The following KDM4B variants were observed in gnomAD, a reference collection of about 807,000 sequenced individuals.
The protein encoded by KDM4B is lysine-specific demethylase 4B.
Under a neutral mutation model 125.2 loss-of-function variants are expected in KDM4B, and 32 were observed. The observed-to-expected ratio is 0.26, with a 90% confidence interval of 0.19 to 0.34. The LOEUF is 0.34. Among genes scored for constraint, KDM4B ranks in the 10% least tolerant of loss-of-function variants. The pLI, the probability that KDM4B is intolerant of heterozygous loss-of-function variation, is 1.00. For synonymous variants in KDM4B, 721 were observed against 677.9 expected (o/e 1.06, Z -0.99); for missense variants, 1,190 against 1,577.7 (o/e 0.75, Z 4.16).
chr19:5,014,803 G>A (rs768139726), intron 1 of KDM4B, among the ~76,000 whole-genome samples: 88 of 151,930 alleles, frequency 5.8e-4, no homozygotes, highest in Non-Finnish European at 1.0e-3. Flanking sequence ...AGACCAGCTT[G>A]GCCAGCATGG....
At chr19:5,042,263 G>A (rs549170740) in intron 5 of KDM4B, among the ~76,000 whole-genome samples, 7 of 152,226 alleles carry the variant, frequency 4.6e-5, no homozygotes, top group Non-Finnish European at 8.8e-5. Flanking sequence ...CACTTTGGGA[G>A]ACTGAGGTGG....
intron 11 of KDM4B, among the ~76,000 whole-genome samples, chr19:5,129,458 C>T (rs1435101245): frequency 6.6e-6 from 1 of 152,210 alleles, no homozygotes; most frequent in Non-Finnish European, 1.5e-5. Context: ...GGTTTTATAG[C>T]AAGTGGTGAG....
intron 6 of KDM4B, among the ~76,000 whole-genome samples, chr19:5,070,106 G>T (rs2037899269): frequency 6.6e-6 from 1 of 152,120 alleles, no homozygotes; most frequent in Non-Finnish European, 1.5e-5. Context: ...CTAGAGTTGG[G>T]GTCGAGGATG....
chr19:5,077,193 C>A (rs1033166895), intron 7 of KDM4B, 174 bp from the exon 8 acceptor site: 1 of 641,854 alleles, frequency 1.6e-6, no homozygotes. Flanking sequence ...CTCCTTCCCC[C>A]CGACCTGCAG....
rs541789087 is a variant in KDM4B at position 5,057,071 on chromosome 19, C to T, written c.626+9402C>T. ...GTGTGTGTGTGTGTGTGTGTGCGCG[C>T]GCGCGCGTATGTTAGCAAATGACTC... On this transcript the variant is annotated intron_variant, in intron 6 of 22. Transcript: ENST00000159111. Among the ~76,000 whole-genome samples the T allele has an allele frequency of 9.6e-4, 131 of 136,676 alleles. 2 individuals carry two copies. Among genetic ancestry groups the T allele is most frequent in the Non-Finnish European group, 2.8e-4 (18 of 65,396 alleles). The allele number at this position is 136,676 out of a possible 152,430, so 89.7% of individuals were successfully genotyped here.
intron 1 of KDM4B, among the ~76,000 whole-genome samples, chr19:4,982,294 A>G (rs1331700953): frequency 2.8e-5 from 4 of 142,920 alleles, no homozygotes; most frequent in African/African-American, 5.4e-5. Flanking sequence ...TCTGTCTCCA[A>G]AAAAAAAAAA....
intron 1 of KDM4B, among the ~76,000 whole-genome samples, chr19:5,010,092 A>G (rs2035681804): frequency 6.6e-6 from 1 of 152,214 alleles, no homozygotes; most frequent in South Asian, 2.1e-4. Flanking sequence ...TTCCTGGTCT[A>G]GGACCTCGTC....
intron 11 of KDM4B, among the ~76,000 whole-genome samples, chr19:5,129,910 G>A (rs900886959): frequency 2.0e-5 from 3 of 152,174 alleles, no homozygotes; most frequent in African/African-American, 4.8e-5. Flanking sequence ...CCCTGAGTGC[G>A]GCGGCCCTCA....
chr19:5,046,380 G>A (rs904412797), intron 5 of KDM4B, among the ~76,000 whole-genome samples: 1 of 152,186 alleles, frequency 6.6e-6, no homozygotes, highest in Non-Finnish European at 1.5e-5. Flanking sequence ...GCCCCATCTG[G>A]GTCTCATCAC....
At chr19:5,063,897 C>T (rs561446693) in intron 6 of KDM4B, among the ~76,000 whole-genome samples, 54 of 152,316 alleles carry the variant, frequency 3.5e-4, no homozygotes, top group African/African-American at 1.3e-3. Flanking sequence ...CACCCTGGCC[C>T]GGCTCGTCTT....
At chr19:5,014,327 G>A (rs1052413800) in intron 1 of KDM4B, among the ~76,000 whole-genome samples, 1 of 151,996 alleles carries the variant, frequency 6.6e-6, no homozygotes, top group African/African-American at 2.4e-5. Context: ...CCCAGGCTGG[G>A]GTGCAGTGGC....
chr19:5,053,875 C>G (rs1005775187), intron 6 of KDM4B, among the ~76,000 whole-genome samples: 4 of 152,260 alleles, frequency 2.6e-5, no homozygotes, highest in Admixed American at 1.3e-4. Context: ...GGCTGACTGG[C>G]TCTGGGTCCA....
Position 5,142,204 on chromosome 19 carries a change from C to G in KDM4B, c.2551-1763C>G, listed in dbSNP as rs142104143. ...GGGAACTTCGAACCAAACACCAGTG[C>G]CTGGGCCCTTCCAGGCCCCCCACGG... On this transcript the variant is annotated intron_variant, in intron 18 of 22. Coordinates refer to ENST00000159111, the MANE Select transcript of KDM4B (RefSeq NM_015015.3). This position sits in a 1 kb window ranked among gnomAD's most constrained non-coding sequence, Gnocchi z 5.4. Among the ~76,000 whole-genome samples the G allele has an allele frequency of 0.014, 2,091 of 152,262 alleles. 43 individuals carry two copies. Among genetic ancestry groups the G allele is most frequent in the African/African-American group, 0.048 (2,011 of 41,558 alleles).
intron 9 of KDM4B, among the ~76,000 whole-genome samples, chr19:5,100,992 G>A (rs539971661): frequency 2.0e-4 from 31 of 151,226 alleles, no homozygotes; most frequent in African/African-American, 6.8e-4. Context: ...AGGCTGAGGC[G>A]GGCGGATCAC....
intron 9 of KDM4B, among the ~76,000 whole-genome samples, chr19:5,100,903 C>T (rs138762023): frequency 3.9e-4 from 60 of 152,074 alleles, no homozygotes; most frequent in African/African-American, 1.3e-3. Flanking sequence ...TATTGATTGA[C>T]GATAGGTTTA....
At chr19:5,105,415 A>C (rs563048962) in intron 9 of KDM4B, among the ~76,000 whole-genome samples, 34 of 152,322 alleles carry the variant, frequency 2.2e-4, no homozygotes, top group African/African-American at 8.2e-4. Flanking sequence ...AAGTTACTTC[A>C]TGACTTAAGT....
intron 5 of KDM4B, among the ~76,000 whole-genome samples, chr19:5,046,485 C>G (rs946322768): frequency 6.6e-6 from 1 of 152,206 alleles, no homozygotes; most frequent in Admixed American, 6.5e-5. Context: ...CGTGCAGGTG[C>G]AGGAACAGCT....
chr19:5,134,421 C>T (rs939492252), intron 14 of KDM4B, among the ~76,000 whole-genome samples: 3 of 152,156 alleles, frequency 2.0e-5, no homozygotes, highest in African/African-American at 7.2e-5. Context: ...GGTGGCCGGG[C>T]GGGGCTCCCG....
At chr19:5,092,751 G>A (rs982702795) in intron 9 of KDM4B, among the ~76,000 whole-genome samples, 8 of 152,212 alleles carry the variant, frequency 5.3e-5, no homozygotes, top group Admixed American at 6.5e-5. Context: ...AAGCAGGAGA[G>A]TCAGAGGAGG....
Sources: allele counts gnomAD v4.1 joint callset (sites outside exome capture counted in the v4.1 genomes callset), GRCh38; gene constraint gnomAD v4.1.1; non-coding constraint Gnocchi (gnomAD v3.1); transcripts MANE v1.5; gene names NCBI Gene and HGNC (gene_info 2026-07-23, HGNC 2026-07-21).